SMYD5: variants seen among roughly 807,000 people sequenced by gnomAD.
SMYD5 encodes SMYD family member 5, also known as protein-lysine N-trimethyltransferase SMYD5.
SMYD5 carries 35 observed loss-of-function variants against 57.4 expected under a neutral mutation model. The ratio of observed to expected loss-of-function variants is 0.61; its 90% CI spans 0.47 to 0.81. The LOEUF is 0.81. Ranked by LOEUF, SMYD5 falls within the 30% of genes least tolerant of loss-of-function variation. SMYD5 has a pLI of 0.00. For missense variants in SMYD5, 471 were observed against 527.9 expected (o/e 0.89, Z 1.06); for synonymous variants, 198 against 189.7 (o/e 1.04, Z -0.36).
rs1276892376 is a variant in SMYD5 at position 73,227,194 on chromosome 2, A to G, written c.*1248A>G. On this transcript the variant is annotated 3_prime_UTR_variant, in exon 13 of 13. Coordinates refer to ENST00000389501, the MANE Select transcript of SMYD5 (RefSeq NM_006062.3). ...CACTCCTCTCCCAGCCCCCCTGCCC[A>G]CTGTTCTCAATAAAATGTGAGTGGT... 1 of 152,562 alleles carries G rather than the reference A, an allele frequency of 6.6e-6. No homozygotes were observed. Among genetic ancestry groups the G allele is most frequent in the African/African-American group, 2.4e-5 (1 of 41,436 alleles). 9.5% of individuals were successfully genotyped at this position (152,562 alleles called of 1,614,324 possible).
intron 11 of SMYD5, 66 bp from the exon 12 acceptor site, chr2:73,225,565 G>A (rs1686484016): frequency 2.1e-6 from 3 of 1,439,402 alleles, no homozygotes; most frequent in Non-Finnish European, 2.9e-6. Flanking sequence ...TAGGGTAGCT[G>A]TTGGGGAGGT....
chr2:73,222,847 C>T (rs890387390), intron 7 of SMYD5, 30 bp downstream of exon 7: 3 of 1,599,334 alleles, frequency 1.9e-6, no homozygotes, highest in Admixed American at 1.7e-5. Flanking sequence ...GACCAGTGGC[C>T]TCCTTGTTAC....
chr2:73,221,135 T>C, intron 4 of SMYD5, 30 bp from the exon 5 acceptor site: 2 of 1,603,660 alleles, frequency 1.2e-6, no homozygotes, highest in Middle Eastern at 3.3e-4. Context: ...GGAGAGAATT[T>C]CTAGGCCAAT....
At chr2:73,223,677 C>T in intron 9 of SMYD5, 145 bp downstream of exon 9, 1 of 683,010 alleles carries the variant, frequency 1.5e-6, no homozygotes, top group South Asian at 1.8e-5. Flanking sequence ...CAGATCTGTC[C>T]ACAGGGCACA....
intron 1 of SMYD5, among the ~76,000 whole-genome samples, chr2:73,217,912 G>T (rs1686318622): frequency 6.6e-6 from 1 of 152,156 alleles, no homozygotes; most frequent in African/African-American, 2.4e-5. Context: ...CAGTTCAGAG[G>T]TTTTTTTCTC....
chr2:73,218,156 C>T (rs1342209750), intron 1 of SMYD5, among the ~76,000 whole-genome samples: 1 of 152,168 alleles, frequency 6.6e-6, no homozygotes, highest in Non-Finnish European at 1.5e-5. Context: ...TTCATCTGTG[C>T]TATATCATTA....
At chr2:73,217,796 G>A (rs1187977742) in intron 1 of SMYD5, among the ~76,000 whole-genome samples, 1 of 152,178 alleles carries the variant, frequency 6.6e-6, no homozygotes, top group Admixed American at 6.5e-5. Flanking sequence ...TGTTGACAGG[G>A]CTCCACACGT....
intron 4 of SMYD5, 98 bp from the exon 5 acceptor site, chr2:73,221,067 T>G (rs1686382923): frequency 1.8e-6 from 2 of 1,113,336 alleles, no homozygotes; most frequent in Non-Finnish European, 1.4e-6. Context: ...ATTGATGGAA[T>G]TGGTAGGAAG....
chr2:73,214,442 G>C, intron 1 of SMYD5, 80 bp downstream of exon 1: 1 of 1,603,796 alleles, frequency 6.2e-7, no homozygotes, highest in South Asian at 1.1e-5. Flanking sequence ...CATGCCCGGA[G>C]CCCAGAGGCT....
intron 5 of SMYD5, 100 bp downstream of exon 5, chr2:73,221,334 T>C (rs1686392036): frequency 1.0e-6 from 1 of 965,814 alleles, no homozygotes; most frequent in African/African-American, 1.6e-5. Context: ...GGATGCAGAG[T>C]TCTTCCTGGC....
chr2:73,221,432 C>A (rs1185768350), intron 5 of SMYD5, among the ~76,000 whole-genome samples, 198 bp downstream of exon 5: 2 of 128,486 alleles, frequency 1.6e-5, no homozygotes, highest in African/African-American at 5.7e-5. Context: ...TGCCTGTAGT[C>A]TTTTTTTTTT....
At chr2:73,216,763 G>T (rs572239051) in intron 1 of SMYD5, among the ~76,000 whole-genome samples, 10 of 152,216 alleles carry the variant, frequency 6.6e-5, no homozygotes, top group African/African-American at 2.4e-4. Context: ...TAGAGATGGG[G>T]TCTTGCTGTG....
At chr2:73,222,609 C>T (rs956113178) in intron 6 of SMYD5, 146 bp from the exon 7 acceptor site, 41 of 675,678 alleles carry the variant, frequency 6.1e-5, no homozygotes, top group Non-Finnish European at 9.0e-5. Context: ...TGGAGGTAGA[C>T]TCTGTGGCCT....
At chr2:73,221,077 G>A (rs778089415) in intron 4 of SMYD5, 88 bp from the exon 5 acceptor site, 114 of 1,221,064 alleles carry the variant, frequency 9.3e-5, no homozygotes, top group South Asian at 7.2e-4. Context: ...TTGGTAGGAA[G>A]TTTTCTCTGT....
Position 73,220,108 on chromosome 2 carries a change from C to G in SMYD5, c.263C>G (p.Thr88Ser). The G allele has an allele frequency of 6.2e-7, 1 of 1,614,178 alleles. No homozygotes were observed. Among genetic ancestry groups the G allele is most frequent in the Non-Finnish European group, 8.5e-7 (1 of 1,180,038 alleles). ...EKAEENAQRLTGKPGQVLPHP... is the reference protein window; with the variant it reads ...EKAEENAQRLSGKPGQVLPHP... ...GCAGAGGAGAATGCCCAGAGGCTGACCGGGAAACCAGGCCAGGTTCTGCCT... is the reference window on the plus strand; with the variant it reads ...GCAGAGGAGAATGCCCAGAGGCTGAGCGGGAAACCAGGCCAGGTTCTGCCT... The change falls in exon 3 of 13, where the codon ACC becomes AGC. Residue 88 changes from threonine to serine, a missense_variant. Physicochemically the swap from Thr to Ser is moderately conservative, Grantham distance 58. Coordinates refer to ENST00000389501, the MANE Select transcript of SMYD5 (RefSeq NM_006062.3).
chr2:73,220,184 T>A lies in SMYD5; in HGVS notation c.339T>A (p.His113Gln), dbSNP rs1686357377. Reference protein sequence around the residue: ...VRKDLHQNCPHCQVMYCSAEC... With the variant: ...VRKDLHQNCPQCQVMYCSAEC... Reference sequence around the variant, plus strand: ...AAGACCTCCACCAGAACTGTCCCCATTGCCAAGTGAGTATTCTTGGGGAGT... The same window carrying A: ...AAGACCTCCACCAGAACTGTCCCCAATGCCAAGTGAGTATTCTTGGGGAGT... Residue 113 changes from histidine to glutamine, a missense_variant, in exon 3 of 13, where the codon CAT becomes CAA. Transcript: ENST00000389501. 1 of 1,613,918 alleles carries A rather than the reference T, an allele frequency of 6.2e-7. No individual in the cohort carries two copies. The highest frequency in any genetic ancestry group is 1.3e-5 in the African/African-American group (1 of 74,918).
intron 6 of SMYD5, among the ~76,000 whole-genome samples, chr2:73,222,255 CAGAG>C (rs1397611486): frequency 6.6e-6 from 1 of 152,226 alleles, no homozygotes. Context: ...GCCGCAGAAT[CAGAG>C]AGCAGTGTGA....
intron 1 of SMYD5, chr2:73,214,760 G>C: frequency 7.6e-7 from 1 of 1,319,016 alleles, no homozygotes; most frequent in Non-Finnish European, 1.0e-6. Flanking sequence ...GTGAGGGGAT[G>C]AGGAGAGAGG....
In SMYD5 at chr2:73,221,944, C is replaced by A. The variant is rs780540815; in HGVS notation, c.642+14C>A. 6.6e-7 allele frequency: 1 copy of A among 1,505,536 alleles called. No homozygotes were observed. The highest frequency in any genetic ancestry group is 9.2e-7 in the Non-Finnish European group (1 of 1,081,096). 93.3% of individuals were successfully genotyped at this position (1,505,536 alleles called of 1,614,324 possible). ...GACAAATTCAAGGTTATTATTCTCC[C>A]GTGGCCTGTCTCCTTCCCTCCCCAA... On this transcript the variant is annotated intron_variant, in intron 6 of 12. Transcript: ENST00000389501.
Sources: gnomAD v4.1 joint callset for allele counts (sites outside exome capture counted in the v4.1 genomes callset) on GRCh38, gnomAD v4.1.1 for gene constraint, MANE v1.5 for transcripts, NCBI Gene and HGNC (gene_info 2026-07-23, HGNC 2026-07-21) for gene names.